Variants in ITM2B observed in about 807,000 individuals in gnomAD.
ITM2B encodes integral membrane protein 2B, also known as ABri/ADan amyloid peptide.
Under a neutral mutation model 27.8 loss-of-function variants are expected in ITM2B, and 11 were observed. That is an observed-to-expected ratio of 0.40 (90% CI 0.25 to 0.66). The LOEUF (loss-of-function observed/expected upper bound fraction) is 0.66. ITM2B is among the 30% of genes least tolerant of loss of function. The probability of loss-of-function intolerance (pLI) is 0.43; values close to 1 mark genes in which losing one functional copy is unlikely to be tolerated. For synonymous variants in ITM2B, 114 were observed against 114.3 expected, an observed-to-expected ratio of 1.00 and a Z score of 0.02; for missense variants, 296 against 328.9, an observed-to-expected ratio of 0.90 and a Z score of 0.77.
intron 1 of ITM2B, among the ~76,000 whole-genome samples, chr13:48,245,444 A>G (rs573412741): frequency 4.9e-4 from 75 of 152,134 alleles, no homozygotes; most frequent in Non-Finnish European, 9.6e-4. Context: ...CTTATTATTC[A>G]TATAAATATT....
chr13:48,260,961 T>C (rs1248729102), intron 5 of ITM2B, among the ~76,000 whole-genome samples, 178 bp from the exon 6 acceptor site: 1 of 152,168 alleles, frequency 6.6e-6, no homozygotes, highest in Non-Finnish European at 1.5e-5. Flanking sequence ...ATATTAATAC[T>C]TGGTTCAGAA....
intron 1 of ITM2B, among the ~76,000 whole-genome samples, chr13:48,244,165 G>T (rs1434675392): frequency 6.6e-6 from 1 of 152,184 alleles, no homozygotes; most frequent in Non-Finnish European, 1.5e-5. Context: ...GCACCTACTG[G>T]ATAGCCAGGT....
At chr13:48,250,922 T>C (rs898819945) in intron 1 of ITM2B, among the ~76,000 whole-genome samples, 2 of 152,226 alleles carry the variant, frequency 1.3e-5, no homozygotes, top group Non-Finnish European at 2.9e-5. Context: ...GACCAAAGAC[T>C]CTTGTTTATT....
At chr13:48,252,315 C>A (rs1019770888) in intron 1 of ITM2B, among the ~76,000 whole-genome samples, 1 of 152,236 alleles carries the variant, frequency 6.6e-6, no homozygotes, top group Admixed American at 6.5e-5. Context: ...ATACCGGGGT[C>A]CCCAACCGCC....
At chr13:48,253,205 G>A (rs911281175) in intron 1 of ITM2B, among the ~76,000 whole-genome samples, 3 of 152,102 alleles carry the variant, frequency 2.0e-5, no homozygotes, top group African/African-American at 7.2e-5. Flanking sequence ...ATAGGATTAT[G>A]TATTTCTATG....
At chr13:48,257,294 G>A (rs1951795465) in intron 3 of ITM2B, among the ~76,000 whole-genome samples, 1 of 152,130 alleles carries the variant, frequency 6.6e-6, no homozygotes, top group African/African-American at 2.4e-5. Flanking sequence ...AGGGACTACT[G>A]TATTTAATAT....
chr13:48,260,875 C>T (rs1387767599), intron 5 of ITM2B, among the ~76,000 whole-genome samples: 1 of 152,110 alleles, frequency 6.6e-6, no homozygotes, highest in Non-Finnish European at 1.5e-5. Flanking sequence ...AGATACAGAA[C>T]ATTTTCAATA....
At chr13:48,243,317 C>T (rs1448543481) in intron 1 of ITM2B, among the ~76,000 whole-genome samples, 3 of 152,138 alleles carry the variant, frequency 2.0e-5, no homozygotes, top group African/African-American at 7.2e-5. Flanking sequence ...TGCTTATGTG[C>T]TGGTGTGCCT....
intron 1 of ITM2B, among the ~76,000 whole-genome samples, chr13:48,251,353 C>T (rs1323089211): frequency 6.6e-6 from 1 of 152,224 alleles, no homozygotes; most frequent in Non-Finnish European, 1.5e-5. Context: ...CTTCCTGAAA[C>T]TCATCCCCTC....
Position 48,258,254 on chromosome 13 carries a change from G to C in ITM2B, c.564+18G>C. On this transcript the variant is annotated intron_variant, in intron 4 of 5. Coordinates refer to ENST00000647800, the MANE Select transcript of ITM2B (RefSeq NM_021999.5). Reference sequence around the variant, plus strand: ...ACATCAAGGTATAAGAATGTTGACTGTTTTTGATGAATGATGCCTTCATAG... The same window carrying C: ...ACATCAAGGTATAAGAATGTTGACTCTTTTTGATGAATGATGCCTTCATAG... 8.3e-7 allele frequency: 1 copy of C among 1,200,946 alleles called. No homozygotes were observed. Among genetic ancestry groups the C allele is most frequent in the South Asian group, 1.2e-5 (1 of 82,750 alleles). 74.4% of individuals were successfully genotyped at this position (1,200,946 alleles called of 1,614,324 possible).
chr13:48,238,835 A>T (rs1028416811), intron 1 of ITM2B, among the ~76,000 whole-genome samples: 1 of 151,990 alleles, frequency 6.6e-6, no homozygotes, highest in Non-Finnish European at 1.5e-5. Context: ...ATTTTTTTTT[A>T]GTGAAAGCAA....
chr13:48,236,664 A>T (rs923347360), intron 1 of ITM2B, among the ~76,000 whole-genome samples: 3 of 152,184 alleles, frequency 2.0e-5, no homozygotes, highest in African/African-American at 7.2e-5. Flanking sequence ...AGTGGGTCAA[A>T]GAGAAAGGAG....
At chr13:48,260,179 C>T (rs1300856546) in intron 5 of ITM2B, among the ~76,000 whole-genome samples, 3 of 152,166 alleles carry the variant, frequency 2.0e-5, no homozygotes, top group Non-Finnish European at 4.4e-5. Context: ...GACATGAACT[C>T]ATCCTTTTTT....
chr13:48,233,381 C>G lies in ITM2B; in HGVS notation c.21C>G (p.Asn7Lys). ...GCGCCATGGTGAAGGTGACGTTCAA[C>G]TCCGCTCTGGCCCAGAAGGAGGCCA... MVKVTF[N>K]SALAQKEAKK... is the part of the protein sequence containing the mutation. Residue 7 changes from asparagine (N) to lysine (K), a missense_variant, in exon 1 of 6, where the codon AAC becomes AAG. Physicochemically the swap from Asn to Lys is moderately conservative, Grantham distance 94. Transcript: ENST00000647800. 2 of 1,565,328 alleles carry G rather than the reference C, an allele frequency of 1.3e-6. No individual in the cohort carries two copies. The highest frequency in any genetic ancestry group is 1.7e-6 in the Non-Finnish European group (2 of 1,158,232).
chr13:48,259,696 C>CT (rs35401842), intron 5 of ITM2B, among the ~76,000 whole-genome samples: 29,293 of 129,752 alleles, frequency 0.23, 3,138 homozygotes, highest in East Asian at 0.27. Context: ...AGCTTGATTT[C>CT]TTTTTTTTTT....
rs554183105 is a variant in ITM2B, at chr13:48,269,869, C to T, written c.*8645C>T. The T allele has an allele frequency of 1.3e-4, 20 of 152,320 alleles. No individual in the cohort carries two copies. Among genetic ancestry groups the T allele is most frequent in the Middle Eastern group, 6.8e-3 (2 of 294 alleles). The allele number at this position is 152,320 out of a possible 1,614,324, so 9.4% of individuals were successfully genotyped here. A position where few individuals can be genotyped will look rare whatever the true frequency, so the allele number is the denominator to read the frequency against. On this transcript the variant is annotated 3_prime_UTR_variant, in exon 6 of 6. Transcript: ENST00000647800. ...CAGACCATGAAGACTGTTTCAAGTTCGAGGATGGGCAAAAATAATGACTAG... is the reference window on the plus strand; with the variant it reads ...CAGACCATGAAGACTGTTTCAAGTTTGAGGATGGGCAAAAATAATGACTAG...
intron 1 of ITM2B, among the ~76,000 whole-genome samples, chr13:48,238,978 G>A (rs1309681101): frequency 1.3e-5 from 2 of 152,016 alleles, no homozygotes; most frequent in Admixed American, 1.3e-4. Flanking sequence ...TATTTTCTCT[G>A]CTTATATATG....
intron 2 of ITM2B, 68 bp downstream of exon 2, chr13:48,254,004 A>G: frequency 6.7e-7 from 1 of 1,483,810 alleles, no homozygotes. Flanking sequence ...GTGCATTACA[A>G]AATTGTTTAC....
At chr13:48,243,606 A>C (rs1048208899) in intron 1 of ITM2B, among the ~76,000 whole-genome samples, 1 of 152,016 alleles carries the variant, frequency 6.6e-6, no homozygotes, top group Non-Finnish European at 1.5e-5. Context: ...AGGCAGGAGA[A>C]TTGCTTAAGA....
Sources: gnomAD v4.1 joint callset for allele counts (sites outside exome capture counted in the v4.1 genomes callset) on GRCh38, gnomAD v4.1.1 for gene constraint, MANE v1.5 for transcripts, NCBI Gene and HGNC (gene_info 2026-07-23, HGNC 2026-07-21) for gene names.